Variants in GALNT9 observed in about 807,000 individuals in gnomAD.
The protein encoded by GALNT9 is polypeptide N-acetylgalactosaminyltransferase 9, also known as GalNAc transferase 9.
GALNT9 carries 47 observed loss-of-function variants against 63.1 expected under a neutral mutation model. The ratio of observed to expected loss-of-function variants is 0.75; its 90% CI spans 0.59 to 0.95. The LOEUF (loss-of-function observed/expected upper bound fraction) is 0.95, where lower values mean the gene tolerates loss of function less well. Ranked by LOEUF, GALNT9 falls within the 40% of genes least tolerant of loss-of-function variation. The pLI is 0.00. For missense variants in GALNT9, 829 were observed against 874.8 expected (o/e 0.95, Z 0.66); for synonymous variants, 396 against 365.7 (o/e 1.08, Z -0.94).
At position 132,211,461 on chromosome 12, in the gene GALNT9, C is replaced by T. The variant is rs183202297; in HGVS notation, c.1078-7771G>A. Among the ~76,000 whole-genome samples the T allele has an allele frequency of 5.2e-3, 789 of 152,318 alleles. 4 individuals are homozygous for T. The highest frequency in any genetic ancestry group is 0.018 in the African/African-American group (736 of 41,560). Reference sequence around the variant, plus strand: ...CTAGTACGAGAAAACACCTCAGACGCTGTCACCACAGCAGTGAGGAGGCAA... The same window carrying T: ...CTAGTACGAGAAAACACCTCAGACGTTGTCACCACAGCAGTGAGGAGGCAA... On this transcript the variant is annotated intron_variant, in intron 6 of 10. Coordinates refer to ENST00000328957, the MANE Select transcript of GALNT9 (RefSeq NM_001122636.2).
chr12:132,260,112 G>C (rs73469896), intron 4 of GALNT9, among the ~76,000 whole-genome samples: 8,434 of 152,154 alleles, frequency 0.055, 769 homozygotes, highest in African/African-American at 0.19. Flanking sequence ...GGTTTGCCTG[G>C]GGGCATCCTG....
chr12:132,253,148 T>C (rs28808043), intron 5 of GALNT9, among the ~76,000 whole-genome samples: 23,452 of 152,106 alleles, frequency 0.15, 1,936 homozygotes, highest in Middle Eastern at 0.29. Context: ...TTTCTTCTTC[T>C]GCTATCTACT....
intron 1 of GALNT9, among the ~76,000 whole-genome samples, chr12:132,299,124 T>C (rs1443486996): frequency 9.0e-6 from 1 of 110,562 alleles, no homozygotes; most frequent in African/African-American, 3.7e-5. Context: ...CCATGATAAC[T>C]AACCCACTCC....
intron 6 of GALNT9, chr12:132,247,649 C>T (rs28452727): frequency 1.0e-4 from 41 of 393,816 alleles, no homozygotes; most frequent in Non-Finnish European, 1.7e-4. Flanking sequence ...ACGCCATGGC[C>T]GCACTCGCCC....
At chr12:132,229,650 T>G (rs1294776415) in intron 6 of GALNT9, among the ~76,000 whole-genome samples, 1 of 152,118 alleles carries the variant, frequency 6.6e-6, no homozygotes, top group Non-Finnish European at 1.5e-5. Flanking sequence ...CCCACCCTTC[T>G]CGGGCCACAC....
rs367779072 is a variant in GALNT9, at chr12:132,197,227, C to T, written c.1692G>A (p.Thr564=). The T allele has an allele frequency of 4.2e-5, 68 of 1,613,288 alleles. No homozygotes were observed. The highest frequency in any genetic ancestry group is 1.6e-4 in the South Asian group (15 of 91,082). The change falls in exon 11 of 11, where the codon ACG becomes ACA. Residue 564 remains threonine, a synonymous_variant. Transcript: ENST00000328957. The stretch of plus-strand genomic sequence containing the variant: ...ACATCTCCACCTCCAGGCAGCGGCC[C>T]GTGGCCCGGCTCACAATGGGGCCAC... ...TQSGPIVSRA[T]GRCLEVEMSK...
intron 6 of GALNT9, among the ~76,000 whole-genome samples, chr12:132,213,259 G>A (rs566442920): frequency 3.6e-5 from 2 of 55,022 alleles, no homozygotes; most frequent in East Asian, 1.1e-3. Context: ...AACCCCACCC[G>A]GGTCTGCAGC....
At chr12:132,240,257 T>G (rs934829070) in intron 6 of GALNT9, among the ~76,000 whole-genome samples, 1 of 152,072 alleles carries the variant, frequency 6.6e-6, no homozygotes, top group South Asian at 2.1e-4. Flanking sequence ...TATGACCAAG[T>G]CAGGCGCCGC....
chr12:132,255,697 C>T (rs559273494), intron 5 of GALNT9, among the ~76,000 whole-genome samples: 6 of 152,358 alleles, frequency 3.9e-5, no homozygotes, highest in South Asian at 2.1e-4. Context: ...CCGGTCCTCC[C>T]GCCTTTTGGA....
At chr12:132,239,621 GAGAGACAGAGAGACAGAGTC>G (rs1296420197) in intron 6 of GALNT9, among the ~76,000 whole-genome samples, 13 of 151,192 alleles carry the variant, frequency 8.6e-5, no homozygotes, top group Non-Finnish European at 1.9e-4. Flanking sequence ...CTGAGAGACT[GAGAGACAGAGAGACAGAGTC>G]AGAGACAGAG....
chr12:132,324,085 A>G (rs1868922833), intron 1 of GALNT9, among the ~76,000 whole-genome samples: 1 of 152,254 alleles, frequency 6.6e-6, no homozygotes, highest in Non-Finnish European at 1.5e-5. Flanking sequence ...AATGAATAGG[A>G]AAAGCTTTCT....
intron 6 of GALNT9, among the ~76,000 whole-genome samples, chr12:132,219,398 C>T (rs1423551410): frequency 1.3e-5 from 2 of 152,322 alleles, no homozygotes; most frequent in East Asian, 1.9e-4. Flanking sequence ...CTCCATAGCT[C>T]ATGAGGAGCA....
chr12:132,323,546 C>T (rs1555246290), intron 1 of GALNT9, among the ~76,000 whole-genome samples: 4 of 152,174 alleles, frequency 2.6e-5, no homozygotes, highest in Non-Finnish European at 5.9e-5. Flanking sequence ...CTGGGGGCAG[C>T]GATGGGGAGG....
intron 6 of GALNT9, among the ~76,000 whole-genome samples, chr12:132,229,635 C>A (rs1295616808): frequency 6.6e-6 from 1 of 152,238 alleles, no homozygotes; most frequent in Non-Finnish European, 1.5e-5. Flanking sequence ...CTCAGCGGGG[C>A]CGTCCCCACC....
chr12:132,296,152 C>T lies in GALNT9; in HGVS notation c.239-9722G>A, dbSNP rs1881069649. ...AGGGAGAGCCTCTGAACAGGGACGG[C>T]CTCCGAACAGGGAGAGCCTCCGGAA... On this transcript the variant is annotated intron_variant, in intron 1 of 10. Coordinates refer to ENST00000328957, the MANE Select transcript of GALNT9 (RefSeq NM_001122636.2). This position sits in a 1 kb window ranked among gnomAD's most constrained non-coding sequence, Gnocchi z 4.2. Among the ~76,000 whole-genome samples, 1 of 152,252 alleles carries T rather than the reference C, an allele frequency of 6.6e-6. No individual in the cohort carries two copies. Among genetic ancestry groups the T allele is most frequent in the South Asian group, 2.1e-4 (1 of 4,826 alleles).
rs1879167548 is a variant in GALNT9 at position 132,257,452 on chromosome 12, A to AGCCCTCGTCCCCACGCCCTTG, written c.959+236_959+237insCAAGGGCGTGGGGACGAGGGC. 5.1e-5 allele frequency among the ~76,000 whole-genome samples: 7 copies of AGCCCTCGTCCCCACGCCCTTG among 136,184 alleles called. 1 individual carries two copies. The highest frequency in any genetic ancestry group is 2.0e-4 in the African/African-American group (7 of 34,306). 89.3% of individuals were successfully genotyped at this position (136,184 alleles called of 152,430 possible). A position where few individuals can be genotyped will look rare whatever the true frequency, so the allele number is the denominator to read the frequency against. ...CCCCAGCCCTCGTCCCCATGCCCTC[A>AGCCCTCGTCCCCACGCCCTTG]TCCCCGGCCCTCGTCCCCACGCCCT... On this transcript the variant is annotated intron_variant, in intron 5 of 10. Coordinates refer to ENST00000328957, the MANE Select transcript of GALNT9 (RefSeq NM_001122636.2).
chr12:132,203,823 TG>T lies in GALNT9; in HGVS notation c.1078-134del, dbSNP rs1876417439. On this transcript the variant is annotated intron_variant, in intron 6 of 10. Transcript: ENST00000328957. ...GCACCCCCACCACCGACGGGCCTGG[TG>T]GGTCCCGGGGCTTTGCCTCTCGGGG... 6.4e-6 allele frequency: 6 copies of T among 931,536 alleles called. No individual in the cohort carries two copies. In the South Asian group the frequency reaches 9.4e-5, roughly 15 times the overall value. The allele number at this position is 931,536 out of a possible 1,614,324, so 57.7% of individuals were successfully genotyped here.
intron 1 of GALNT9, among the ~76,000 whole-genome samples, chr12:132,326,273 T>G (rs1869033719): frequency 6.6e-6 from 1 of 152,254 alleles, no homozygotes. Flanking sequence ...GATGCTGTCT[T>G]TTATGTGCAA....
At chr12:132,226,193 C>T (rs1396191505) in intron 6 of GALNT9, among the ~76,000 whole-genome samples, 5 of 142,864 alleles carry the variant, frequency 3.5e-5, no homozygotes, top group Non-Finnish European at 6.1e-5. Flanking sequence ...CACACACATA[C>T]ACCCCACACT....
Sources: gnomAD v4.1 joint callset for allele counts (sites outside exome capture counted in the v4.1 genomes callset) on GRCh38, gnomAD v4.1.1 for gene constraint, Gnocchi (gnomAD v3.1) non-coding constraint, MANE v1.5 for transcripts, NCBI Gene and HGNC (gene_info 2026-07-23, HGNC 2026-07-21) for gene names.